AGRN: variants seen among roughly 807,000 people sequenced by gnomAD.
The protein encoded by AGRN is agrin proteoglycan.
AGRN carries 106 observed loss-of-function variants against 211.0 expected under a neutral mutation model. The ratio of observed to expected loss-of-function variants is 0.50; its 90% CI spans 0.43 to 0.59. The LOEUF (loss-of-function observed/expected upper bound fraction) is 0.59, where lower values mean the gene tolerates loss of function less well. Among genes scored for constraint, AGRN ranks in the 20% least tolerant of loss-of-function variants. The pLI is 0.00. For synonymous variants in AGRN, 1,525 were observed against 1,332.5 expected (o/e 1.14, Z -3.15); for missense variants, 3,040 against 2,982.6 (o/e 1.02, Z -0.45).
Position 1,050,011 on chromosome 1 carries a change from G to A in AGRN, c.4853G>A (p.Gly1618Glu). 6.2e-7 allele frequency: 1 copy of A among 1,609,106 alleles called. No homozygotes were observed. Residue 1618 changes from glycine (G) to glutamate (E), a missense_variant, in exon 27 of 36, where the codon GGG (glycine) becomes GAG (glutamate). Physicochemically the swap from Gly to Glu is moderately conservative, Grantham distance 98. Coordinates refer to ENST00000379370, the MANE Select transcript of AGRN (RefSeq NM_198576.4). ...EGGAQCECPL[G>E]REGTFCQTAS... is the part of the protein sequence containing the mutation. ...GGTGCTCAGTGCGAGTGCCCCCTGG[G>A]GCGTGAGGGCACCTTCTGCCAGACA...
chr1:1,025,271 G>C (rs1644495192), intron 2 of AGRN, among the ~76,000 whole-genome samples: 1 of 152,164 alleles, frequency 6.6e-6, no homozygotes, highest in Non-Finnish European at 1.5e-5. Flanking sequence ...GGTCCCGGCG[G>C]CCTAGTCCCG....
chr1:1,045,201 C>A lies in AGRN; in HGVS notation c.2295C>A (p.His765Gln), dbSNP rs1175341384. 6.2e-7 allele frequency: 1 copy of A among 1,612,760 alleles called. No homozygotes were observed. The highest frequency in any genetic ancestry group is 8.5e-7 in the Non-Finnish European group (1 of 1,179,980). ...CGCTGCCGCCTGTGGCCCCCTTACA[C>A]TGTGCCCAGACGCCCTACGGCTGCT... The part of the protein sequence containing the change: ...FAPLPPVAPL[H>Q]CAQTPYGCCQ... The change falls in exon 13 of 36, where the codon CAC becomes CAA. Residue 765 changes from histidine to glutamine, a missense_variant. By Grantham distance (24) the His-to-Gln change is conservative. Transcript: ENST00000379370.
chr1:1,035,169 T>TGGGGGGGG (rs56001364), intron 2 of AGRN, 108 bp from the exon 3 acceptor site: 16 of 942,446 alleles, frequency 1.7e-5, no homozygotes, highest in African/African-American at 8.4e-5. Flanking sequence ...GGGCTAGCGG[T>TGGGGGGGG]GGGGGGGGGG....
In AGRN at chr1:1,041,480, C is replaced by T. The variant is rs1445446461; in HGVS notation, c.955C>T (p.Pro319Ser). ...VFKKFDGPCD[P>S]CQGALPDPSR... is the part of the protein sequence containing the mutation. The stretch of plus-strand genomic sequence containing the variant: ...TGACTCCTGCCCTCGACCCCCAGAC[C>T]CCTGTCAGGGCGCCCTCCCTGACCC... The change falls in exon 6 of 36, where the codon CCC becomes TCC. Residue 319 changes from proline to serine, a missense_variant and splice_region_variant. By Grantham distance (74) the Pro-to-Ser change is moderately conservative. Transcript: ENST00000379370. The T allele has an allele frequency of 8.8e-6, 14 of 1,592,094 alleles. No homozygotes were observed. The highest frequency in any genetic ancestry group is 1.2e-5 in the Non-Finnish European group (14 of 1,176,248).
At position 1,048,592 on chromosome 1, in the gene AGRN, G is replaced by A; in HGVS notation, c.4105+227G>A. 5.1e-6 allele frequency: 3 copies of A among 590,904 alleles called. No individual in the cohort carries two copies. The South Asian group carries it at 6.7e-5, about 13-fold the overall frequency. The allele number at this position is 590,904 out of a possible 1,614,324, so 36.6% of individuals were successfully genotyped here. A position where few individuals can be genotyped will look rare whatever the true frequency, so the allele number is the denominator to read the frequency against. On this transcript the variant is annotated intron_variant, in intron 23 of 35. Transcript: ENST00000379370. This position sits in a 1 kb window ranked among gnomAD's most constrained non-coding sequence, Gnocchi z 5.9. ...TCGAGACCAGCCTGACCAACATGGAGACACTCTGTCTCTACTAAAAATACA... is the reference window on the plus strand; with the variant it reads ...TCGAGACCAGCCTGACCAACATGGAAACACTCTGTCTCTACTAAAAATACA...
In AGRN at chr1:1,055,477, G is replaced by A. The variant is rs1645428673; in HGVS notation, c.*496G>A. On this transcript the variant is annotated 3_prime_UTR_variant, in exon 36 of 36. Coordinates refer to ENST00000379370, the MANE Select transcript of AGRN (RefSeq NM_198576.4). Reference sequence around the variant, plus strand: ...ACTGTGACTTCCAAACAATGTTACTGCTGGGCACAGCTCTGCGTTGCTCCC... The same window carrying A: ...ACTGTGACTTCCAAACAATGTTACTACTGGGCACAGCTCTGCGTTGCTCCC... 3.6e-6 allele frequency: 1 copy of A among 276,062 alleles called. No individual in the cohort carries two copies. Among genetic ancestry groups the A allele is most frequent in the Non-Finnish European group, 7.1e-6 (1 of 140,582 alleles). The allele number at this position is 276,062 out of a possible 1,614,324, so 17.1% of individuals were successfully genotyped here.
At position 1,044,339 on chromosome 1, in the gene AGRN, C is replaced by T. The variant is rs376403214; in HGVS notation, c.2154C>T (p.Cys718=). ...ACACTGACACCACCCTCCAGGTGTG[C>T]GGCTCAGATGGGGTCACCTACAGCA... ...SCQSVPGSPV[C]GSDGVTYSTE... is the part of the protein sequence containing the mutation. Residue 718 remains cysteine (C), a synonymous_variant, in exon 12 of 36, where the codon TGC becomes TGT. Transcript: ENST00000379370. 1.6e-5 allele frequency: 26 copies of T among 1,612,660 alleles called. 1 individual carries two copies. The South Asian group carries it at 2.0e-4, about 12-fold the overall frequency.
At position 1,048,986 on chromosome 1, in the gene AGRN, C is replaced by T. The variant is rs1181560428; in HGVS notation, c.4225C>T (p.Leu1409=). 1.2e-5 allele frequency: 19 copies of T among 1,579,598 alleles called. No homozygotes were observed. Among genetic ancestry groups the T allele is most frequent in the Non-Finnish European group, 1.6e-5 (19 of 1,164,838 alleles). The change falls in exon 24 of 36, where the codon CTG becomes TTG. Residue 1409 remains leucine (L), a synonymous_variant. Transcript: ENST00000379370. This position sits in a 1 kb window ranked among gnomAD's most constrained non-coding sequence, Gnocchi z 5.9. ...EFRALEPQGL[L]LYNGNARGKD... ...CCGGGCGCTGGAGCCTCAGGGGCTG[C>T]TGCTGTACAATGGCAACGCCCGGGG...
chr1:1,052,129 T>G, intron 33 of AGRN: 1 of 1,283,250 alleles, frequency 7.8e-7, no homozygotes, highest in South Asian at 1.3e-5. Context: ...TGGCGGAGGA[T>G]GGGGGTCCGG....
intron 3 of AGRN, among the ~76,000 whole-genome samples, chr1:1,038,040 G>A (rs1346811439): frequency 2.6e-5 from 4 of 152,320 alleles, no homozygotes; most frequent in East Asian, 1.9e-4. Context: ...CCCGGAGGCC[G>A]TGATTCCTGA....
rs374079858 is a variant in AGRN at position 1,046,143 on chromosome 1, C to G, written c.2806-17C>G. ...GGGAGGAGGCCTCGCCTTGAACATC[C>G]TTGTTCTCTGCCCCAGGTCTGTGGG... is the stretch of plus-strand genomic sequence containing the variant. On this transcript the variant is annotated splice_polypyrimidine_tract_variant and intron_variant, in intron 16 of 35. Transcript: ENST00000379370. The G allele has an allele frequency of 6.2e-7, 1 of 1,613,808 alleles. No individual in the cohort carries two copies. The highest frequency in any genetic ancestry group is 8.5e-7 in the Non-Finnish European group (1 of 1,180,012).
chr1:1,051,684 GC>G (rs935322822), intron 32 of AGRN, 39 bp downstream of exon 32: 1 of 1,612,918 alleles, frequency 6.2e-7, no homozygotes, highest in African/African-American at 1.3e-5. Flanking sequence ...GGCCGGATGG[GC>G]CCGGAGCCCA....
At chr1:1,034,030 G>C (rs894747236) in intron 2 of AGRN, 2 of 763,400 alleles carry the variant, frequency 2.6e-6, no homozygotes, top group African/African-American at 3.8e-5. Context: ...AGGGGAGCTG[G>C]AGGGAGCCCG....
At chr1:1,036,799 C>T (rs893420279) in intron 3 of AGRN, among the ~76,000 whole-genome samples, 6 of 152,126 alleles carry the variant, frequency 3.9e-5, no homozygotes, top group Non-Finnish European at 5.9e-5. Flanking sequence ...GAGAGGAGAC[C>T]GGTCTGCGTG....
At position 1,048,093 on chromosome 1, in the gene AGRN, G is replaced by T. The variant is rs542631667; in HGVS notation, c.3833G>T (p.Arg1278Leu). Reference protein sequence around the residue: ...GATARATTASRLPSSAVTPRA... With the variant: ...GATARATTASLLPSSAVTPRA... ...ACGGCCAGAGCCACCACTGCATCGCGCCTGCCGTCCTCTGCTGTGACCCCT... is the reference window on the plus strand; with the variant it reads ...ACGGCCAGAGCCACCACTGCATCGCTCCTGCCGTCCTCTGCTGTGACCCCT... Residue 1278 changes from arginine to leucine, a missense_variant, in exon 23 of 36, where the codon CGC becomes CTC. Around this residue, in one of 3 missense-constraint regions of AGRN, gnomAD observed 1,537 missense variants for 1,505.0 expected, o/e 1.02. Coordinates refer to ENST00000379370, the MANE Select transcript of AGRN (RefSeq NM_198576.4). The surrounding 1 kb of genome is among the most constrained non-coding windows in gnomAD (Gnocchi z 5.9). 9 of 1,572,830 alleles carry T rather than the reference G, an allele frequency of 5.7e-6. No homozygotes were observed. In the East Asian group the frequency reaches 2.1e-4, roughly 37 times the overall value.
At chr1:1,047,147 C>T (rs1224123637) in intron 19 of AGRN, 180 bp from the exon 20 acceptor site, 1 of 1,344,410 alleles carries the variant, frequency 7.4e-7, no homozygotes, top group Non-Finnish European at 1.0e-6. Flanking sequence ...GCACACTGCT[C>T]TGAGGAGTCC....
chr1:1,050,870 T>A, intron 30 of AGRN, 33 bp downstream of exon 30: 1 of 1,529,312 alleles, frequency 6.5e-7, no homozygotes, highest in South Asian at 1.2e-5. Flanking sequence ...GGACTCCCGC[T>A]GCTGCCTGCT....
rs1644685328 is a variant in AGRN, at chr1:1,031,939, A to G, written c.464-3338A>G. ...ATGCATGTGAACCACCTGCCTCTGC[A>G]CACAGCAAGTCCTGTTCTGGGTTTT... On this transcript the variant is annotated intron_variant, in intron 2 of 35. Coordinates refer to ENST00000379370, the MANE Select transcript of AGRN (RefSeq NM_198576.4). The surrounding 1 kb of genome is among the most constrained non-coding windows in gnomAD (Gnocchi z 4.8). Among the ~76,000 whole-genome samples the G allele has an allele frequency of 6.6e-6, 1 of 152,332 alleles. No homozygotes were observed. The highest frequency in any genetic ancestry group is 1.9e-4 in the East Asian group (1 of 5,182).
chr1:1,040,836 GCAGCCAGCAGCGCCGCATCCGCCTGCT>G lies in AGRN; in HGVS notation c.689_715del (p.Gln230_Ser238del). 1 of 1,534,638 alleles carries G rather than the reference GCAGCCAGCAGCGCCGCATCCGCCTGCT, an allele frequency of 6.5e-7. No homozygotes were observed. Among genetic ancestry groups the G allele is most frequent in the Non-Finnish European group, 8.7e-7 (1 of 1,146,642 alleles). On this transcript the variant is annotated inframe_deletion, in exon 4 of 36. Transcript: ENST00000379370. ...GAATGCGAGCTGCAGCGGGCGCAGT[GCAGCCAGCAGCGCCGCATCCGCCTGCT>G]CAGCCGCGGGCCGTGCGGTGAGCGG...
Sources: allele counts gnomAD v4.1 joint callset (sites outside exome capture counted in the v4.1 genomes callset), GRCh38; gene constraint gnomAD v4.1.1; regional missense constraint gnomAD v4.1.1; non-coding constraint Gnocchi (gnomAD v3.1); transcripts MANE v1.5; gene names NCBI Gene and HGNC (gene_info 2026-07-23, HGNC 2026-07-21).